PALLD: variants seen among roughly 807,000 people sequenced by gnomAD.
The protein encoded by PALLD is palladin, cytoskeletal associated protein.
Under a neutral mutation model 123.5 loss-of-function variants are expected in PALLD, and 61 were observed. That is an observed-to-expected ratio of 0.49 (90% CI 0.40 to 0.61). The LOEUF (loss-of-function observed/expected upper bound fraction) is 0.61, where lower values mean the gene tolerates loss of function less well. Among genes scored for constraint, PALLD ranks in the 20% least tolerant of loss-of-function variants. The pLI is 0.00. For synonymous variants in PALLD, 465 were observed against 496.4 expected (o/e 0.94, Z 0.84); for missense variants, 1,273 against 1,377.0 (o/e 0.92, Z 1.20).
intron 10 of PALLD, among the ~76,000 whole-genome samples, chr4:168,771,139 TGTTC>T (rs1561505303): frequency 6.6e-6 from 1 of 152,092 alleles, no homozygotes; most frequent in East Asian, 1.9e-4. Context: ...AAGGTCTCAA[TGTTC>T]TTATCTCAAA....
chr4:168,626,433 G>T, intron 2 of PALLD, among the ~76,000 whole-genome samples: 1 of 150,340 alleles, frequency 6.7e-6, no homozygotes, highest in South Asian at 2.1e-4. Flanking sequence ...GTGGTGACTG[G>T]GCACTGTGGC....
chr4:168,733,922 A>C (rs1787450336), intron 10 of PALLD, among the ~76,000 whole-genome samples: 1 of 152,112 alleles, frequency 6.6e-6, no homozygotes, highest in African/African-American at 2.4e-5. Flanking sequence ...TTTTTAGTAG[A>C]GACGGGGTTT....
intron 2 of PALLD, among the ~76,000 whole-genome samples, chr4:168,605,684 C>A (rs112874106): frequency 6.6e-6 from 1 of 152,196 alleles, no homozygotes; most frequent in Non-Finnish European, 1.5e-5. Flanking sequence ...TGCGGACCAG[C>A]GGCTAGCATG....
At chr4:168,681,485 G>A in intron 4 of PALLD, 87 bp downstream of exon 4, 1 of 800,056 alleles carries the variant, frequency 1.2e-6, no homozygotes, top group South Asian at 1.3e-5. Flanking sequence ...GCTGTGCTTT[G>A]AAGAAAAAAG....
intron 1 of PALLD, among the ~76,000 whole-genome samples, chr4:168,511,184 C>A (rs1762498434): frequency 6.6e-6 from 1 of 152,212 alleles, no homozygotes; most frequent in African/African-American, 2.4e-5. Context: ...CTACTGCACA[C>A]ATCATCTTTT....
chr4:168,796,555 G>T (rs1194387968), intron 10 of PALLD, among the ~76,000 whole-genome samples: 20 of 152,170 alleles, frequency 1.3e-4, no homozygotes, highest in Non-Finnish European at 2.6e-4. Flanking sequence ...TCTTGGCCCA[G>T]GATCTGAACC....
At chr4:168,500,152 C>T (rs958359316) in intron 1 of PALLD, among the ~76,000 whole-genome samples, 6 of 152,150 alleles carry the variant, frequency 3.9e-5, no homozygotes, top group African/African-American at 1.4e-4. Flanking sequence ...GAGGATCAAA[C>T]TGTTCACTTT....
chr4:168,761,433 C>T (rs985538456), intron 10 of PALLD, among the ~76,000 whole-genome samples: 2 of 151,968 alleles, frequency 1.3e-5, no homozygotes, highest in Non-Finnish European at 2.9e-5. Flanking sequence ...TATATGGCAC[C>T]TTTCTTTGTA....
intron 10 of PALLD, among the ~76,000 whole-genome samples, chr4:168,758,711 A>G (rs1732249795): frequency 6.6e-6 from 1 of 152,116 alleles, no homozygotes; most frequent in African/African-American, 2.4e-5. Flanking sequence ...GGAAACTTGT[A>G]ACCACGAACA....
chr4:168,554,528 C>T (rs372453425), intron 2 of PALLD, among the ~76,000 whole-genome samples: 22 of 152,146 alleles, frequency 1.4e-4, no homozygotes, highest in East Asian at 1.2e-3. Flanking sequence ...CACAGCAATG[C>T]ATGTTACCTG....
At chr4:168,607,529 C>T (rs1370497415) in intron 2 of PALLD, among the ~76,000 whole-genome samples, 1 of 152,106 alleles carries the variant, frequency 6.6e-6, no homozygotes, top group Admixed American at 6.5e-5. Context: ...ATCCATAATA[C>T]TTATAACAGA....
At position 168,761,665 on chromosome 4, in the gene PALLD, T is replaced by G. The variant is rs1454791995; in HGVS notation, c.1964+49742T>G. On this transcript the variant is annotated intron_variant, in intron 10 of 21. Coordinates refer to ENST00000505667, the MANE Select transcript of PALLD (RefSeq NM_001166108.2). ...TGTTTGTTTTTTTTTTTTTTTTTTTTTTTTTTTTTTTGTAGTTTTTTGTTT... is the reference window on the plus strand; with the variant it reads ...TGTTTGTTTTTTTTTTTTTTTTTTTGTTTTTTTTTTTGTAGTTTTTTGTTT... Among the ~76,000 whole-genome samples, 358 of 129,008 alleles carry G rather than the reference T, an allele frequency of 2.8e-3. 4 individuals carry two copies. Among genetic ancestry groups the G allele is most frequent in the African/African-American group, 0.01 (343 of 32,868 alleles). The allele number at this position is 129,008 out of a possible 152,430, so 84.6% of individuals were successfully genotyped here. A position where few individuals can be genotyped will look rare whatever the true frequency, so the allele number is the denominator to read the frequency against.
intron 10 of PALLD, among the ~76,000 whole-genome samples, chr4:168,779,972 C>A (rs1735671176): frequency 1.3e-5 from 2 of 151,484 alleles, no homozygotes; most frequent in African/African-American, 4.9e-5. Context: ...GATCTCAGCT[C>A]ACTGCAACCT....
intron 2 of PALLD, among the ~76,000 whole-genome samples, chr4:168,599,369 T>C (rs1772313082): frequency 6.6e-6 from 1 of 152,196 alleles, no homozygotes; most frequent in South Asian, 2.1e-4. Context: ...ATCATCTATT[T>C]GAAGGACAAG....
intron 2 of PALLD, among the ~76,000 whole-genome samples, chr4:168,536,859 A>C: frequency 6.8e-6 from 1 of 146,982 alleles, no homozygotes; most frequent in Admixed American, 6.8e-5. Flanking sequence ...ACGGAGTCTC[A>C]CTCTGTCTCC....
chr4:168,508,988 TA>T (rs1762279503), intron 1 of PALLD, among the ~76,000 whole-genome samples: 1 of 152,124 alleles, frequency 6.6e-6, no homozygotes, highest in Non-Finnish European at 1.5e-5. Flanking sequence ...CGTTTTGCAA[TA>T]TACAAAATGG....
intron 10 of PALLD, among the ~76,000 whole-genome samples, chr4:168,771,611 T>C (rs1168870436): frequency 6.6e-6 from 1 of 152,064 alleles, no homozygotes; most frequent in African/African-American, 2.4e-5. Flanking sequence ...TGTGATGTGG[T>C]CCCCCTGCTG....
At chr4:168,582,856 T>C (rs138004347) in intron 2 of PALLD, among the ~76,000 whole-genome samples, 302 of 152,296 alleles carry the variant, frequency 2.0e-3, no homozygotes, top group African/African-American at 6.9e-3. Context: ...TATAATGTTA[T>C]ATGCATAGTT....
chr4:168,849,273 C>T (rs938343107), intron 10 of PALLD, among the ~76,000 whole-genome samples: 10 of 152,210 alleles, frequency 6.6e-5, no homozygotes, highest in African/African-American at 7.2e-5. Context: ...GTGCAAGCAC[C>T]AGCTTTCTGT....
Sources: allele counts gnomAD v4.1 joint callset (sites outside exome capture counted in the v4.1 genomes callset), GRCh38; gene constraint gnomAD v4.1.1; transcripts MANE v1.5; gene names NCBI Gene and HGNC (gene_info 2026-07-23, HGNC 2026-07-21).